The following LRRC4C variants were observed in gnomAD, a reference collection of about 807,000 sequenced individuals.
The protein encoded by LRRC4C is leucine rich repeat containing 4C, also known as leucine-rich repeat-containing protein 4C.
Under a neutral mutation model 33.6 loss-of-function variants are expected in LRRC4C, and 5 were observed. The ratio of observed to expected loss-of-function variants is 0.15; its 90% CI spans 0.08 to 0.31. The LOEUF is 0.31. Among genes scored for constraint, LRRC4C ranks in the 10% least tolerant of loss-of-function variants. The pLI, the probability that LRRC4C is intolerant of heterozygous loss-of-function variation, is 1.00. For missense variants in LRRC4C, 560 were observed against 796.7 expected (o/e 0.70, Z 3.58); for synonymous variants, 329 against 302.0 (o/e 1.09, Z -0.93).
At chr11:40,192,719 C>G (rs1448934661) in intron 5 of LRRC4C, among the ~76,000 whole-genome samples, 1 of 152,148 alleles carries the variant, frequency 6.6e-6, no homozygotes, top group African/African-American at 2.4e-5. Flanking sequence ...ATTCTCGCTG[C>G]CAGCACAGCA....
At chr11:40,786,478 C>G (rs1408394671) in intron 2 of LRRC4C, among the ~76,000 whole-genome samples, 1 of 152,130 alleles carries the variant, frequency 6.6e-6, no homozygotes, top group Non-Finnish European at 1.5e-5. Flanking sequence ...GTCCCTGAAC[C>G]TGAATCAGAG....
At chr11:40,952,874 A>G (rs1188124021) in intron 1 of LRRC4C, among the ~76,000 whole-genome samples, 2 of 107,548 alleles carry the variant, frequency 1.9e-5, no homozygotes, top group African/African-American at 6.1e-5. Flanking sequence ...ACACACACAC[A>G]CACACACACA....
At chr11:40,129,911 C>T (rs1205087465) in intron 6 of LRRC4C, among the ~76,000 whole-genome samples, 1 of 152,068 alleles carries the variant, frequency 6.6e-6, no homozygotes, top group East Asian at 1.9e-4. Flanking sequence ...CTTGGCAGGG[C>T]TAAAAATAAA....
intron 3 of LRRC4C, among the ~76,000 whole-genome samples, chr11:40,597,419 T>C (rs903003837): frequency 6.6e-6 from 1 of 152,206 alleles, no homozygotes; most frequent in African/African-American, 2.4e-5. Flanking sequence ...ATCCATATCC[T>C]GGGAATATTG....
intron 1 of LRRC4C, among the ~76,000 whole-genome samples, chr11:41,316,286 A>AAAAAAAAAAAAT (rs1565575470): frequency 6.6e-6 from 1 of 151,378 alleles, no homozygotes; most frequent in Non-Finnish European, 1.5e-5. Flanking sequence ...AAAACAAAAA[A>AAAAAAAAAAAAT]AAACAAACAT....
intron 2 of LRRC4C, among the ~76,000 whole-genome samples, chr11:40,651,411 G>A (rs1942789607): frequency 6.6e-6 from 1 of 152,098 alleles, no homozygotes; most frequent in African/African-American, 2.4e-5. Context: ...TTACATGGGA[G>A]AATGAATACC....
chr11:40,403,836 A>G (rs915791438), intron 3 of LRRC4C, among the ~76,000 whole-genome samples: 22 of 152,124 alleles, frequency 1.4e-4, no homozygotes. Flanking sequence ...AGGTGAAGTG[A>G]TAGTCAACAC....
intron 1 of LRRC4C, among the ~76,000 whole-genome samples, chr11:41,263,970 G>A (rs1156481412): frequency 1.3e-5 from 2 of 151,980 alleles, no homozygotes; most frequent in Non-Finnish European, 2.9e-5. Context: ...TCTTGATGCA[G>A]TTTTCTTTGT....
intron 2 of LRRC4C, among the ~76,000 whole-genome samples, chr11:40,691,750 T>C (rs1487038208): frequency 1.3e-5 from 2 of 152,120 alleles, no homozygotes; most frequent in Admixed American, 6.6e-5. Flanking sequence ...ATATCAAGTA[T>C]TTTAATTCTT....
At chr11:40,504,303 T>C (rs1382463284) in intron 3 of LRRC4C, among the ~76,000 whole-genome samples, 2 of 152,170 alleles carry the variant, frequency 1.3e-5, no homozygotes, top group Non-Finnish European at 2.9e-5. Flanking sequence ...ATATTCTGTA[T>C]ATTAACCTTT....
chr11:40,807,655 G>T (rs1216119350), intron 2 of LRRC4C, among the ~76,000 whole-genome samples: 1 of 152,194 alleles, frequency 6.6e-6, no homozygotes, highest in Non-Finnish European at 1.5e-5. Context: ...AAACTAGCAG[G>T]CATTGCAGTT....
At chr11:40,925,187 T>C (rs2136402275) in intron 2 of LRRC4C, among the ~76,000 whole-genome samples, 1 of 152,170 alleles carries the variant, frequency 6.6e-6, no homozygotes, top group African/African-American at 2.4e-5. Flanking sequence ...TTGCTTCCCC[T>C]GTCAATCTTC....
chr11:40,714,379 T>C (rs965876423), intron 2 of LRRC4C, among the ~76,000 whole-genome samples: 4 of 152,212 alleles, frequency 2.6e-5, no homozygotes, highest in African/African-American at 9.6e-5. Context: ...GATCACAATA[T>C]TGCTACTATT....
At chr11:40,773,640 G>C (rs951566556) in intron 2 of LRRC4C, among the ~76,000 whole-genome samples, 3 of 151,864 alleles carry the variant, frequency 2.0e-5, no homozygotes, top group African/African-American at 7.3e-5. Flanking sequence ...AGACAGAAAA[G>C]AACATCCCAA....
intron 3 of LRRC4C, among the ~76,000 whole-genome samples, chr11:40,532,171 T>C (rs1016095781): frequency 6.6e-6 from 1 of 151,402 alleles, no homozygotes; most frequent in Non-Finnish European, 1.5e-5. Context: ...TTGTAGCTAG[T>C]AACCTCAACC....
At chr11:41,323,146 C>A (rs975430696) in intron 1 of LRRC4C, among the ~76,000 whole-genome samples, 1 of 152,088 alleles carries the variant, frequency 6.6e-6, no homozygotes, top group Non-Finnish European at 1.5e-5. Flanking sequence ...GTCCTGTTTA[C>A]AAACATTTAC....
chr11:40,950,600 A>G (rs138658816), intron 1 of LRRC4C, among the ~76,000 whole-genome samples: 9 of 152,232 alleles, frequency 5.9e-5, no homozygotes, highest in East Asian at 1.9e-4. Context: ...ACTTATGATA[A>G]CAAATATGCT....
intron 3 of LRRC4C, among the ~76,000 whole-genome samples, chr11:40,575,719 T>C (rs1052327355): frequency 2.6e-5 from 4 of 152,202 alleles, no homozygotes; most frequent in Non-Finnish European, 5.9e-5. Flanking sequence ...GTATTGATGA[T>C]CTTTACTTAG....
At chr11:40,401,891 T>A (rs1949774135) in intron 3 of LRRC4C, among the ~76,000 whole-genome samples, 1 of 152,110 alleles carries the variant, frequency 6.6e-6, no homozygotes, top group African/African-American at 2.4e-5. Flanking sequence ...GTGTTTAGTA[T>A]CTGCAGTAGT....
Sources: allele counts gnomAD v4.1 joint callset (sites outside exome capture counted in the v4.1 genomes callset), GRCh38; gene constraint gnomAD v4.1.1; transcripts MANE v1.5; gene names NCBI Gene and HGNC (gene_info 2026-07-23, HGNC 2026-07-21).